ZNF395: variants seen among roughly 807,000 people sequenced by gnomAD.
ZNF395 encodes HD gene regulatory region-binding protein 2.
A neutral mutation model predicts 57.7 loss-of-function variants in ZNF395; 20 were observed. The ratio of observed to expected loss-of-function variants is 0.35; its 90% confidence interval spans 0.24 to 0.50. ZNF395 has a LOEUF of 0.50. ZNF395 is among the 20% of genes least tolerant of loss of function. ZNF395 has a pLI of 0.97. For synonymous variants in ZNF395, 295 were observed against 275.9 expected, an observed-to-expected ratio of 1.07 and a Z score of -0.69; for missense variants, 606 against 671.2, an observed-to-expected ratio of 0.90 and a Z score of 1.07.
At chr8:28,379,153 T>C (rs1226540559) in intron 1 of ZNF395, among the ~76,000 whole-genome samples, 1 of 152,216 alleles carries the variant, frequency 6.6e-6, no homozygotes, top group East Asian at 1.9e-4. Flanking sequence ...TTGAAGGTGC[T>C]ACTGTGTACC....
intron 1 of ZNF395, among the ~76,000 whole-genome samples, chr8:28,373,806 G>C (rs559670957): frequency 6.6e-6 from 1 of 152,154 alleles, no homozygotes; most frequent in Non-Finnish European, 1.5e-5. Flanking sequence ...CATCCACCTA[G>C]CACACTCTAA....
Position 28,348,631 on chromosome 8 carries a change from T to A in ZNF395, c.*88A>T. 8.2e-7 allele frequency: 1 copy of A among 1,216,116 alleles called. No individual in the cohort carries two copies. Among genetic ancestry groups the A allele is most frequent in the Admixed American group, 1.8e-5 (1 of 55,780 alleles). 75.3% of individuals were successfully genotyped at this position (1,216,116 alleles called of 1,614,324 possible). On this transcript the variant is annotated 3_prime_UTR_variant, in exon 10 of 10. Coordinates refer to ENST00000344423, the MANE Select transcript of ZNF395 (RefSeq NM_018660.3). ...ACTCCGTGTTTCCGTTCTTTCTCTT[T>A]CGGTTTCTGCTGAGGGCTGGTGACA...
chr8:28,349,239 G>A lies in ZNF395; in HGVS notation c.1327-11C>T, dbSNP rs774783084. 1.3e-6 allele frequency: 2 copies of A among 1,526,134 alleles called. No homozygotes were observed. Among genetic ancestry groups the A allele is most frequent in the East Asian group, 4.6e-5 (2 of 43,264 alleles). 94.5% of individuals were successfully genotyped at this position (1,526,134 alleles called of 1,614,324 possible). On this transcript the variant is annotated splice_polypyrimidine_tract_variant and intron_variant, in intron 8 of 9. Coordinates refer to ENST00000344423, the MANE Select transcript of ZNF395 (RefSeq NM_018660.3). ...CGACCGGCTCCGGACCTGGGCGTGG[G>A]GAGAGGGGCTGTGAGCACAGGGACA... is the stretch of plus-strand genomic sequence containing the variant.
chr8:28,373,000 C>G (rs903343763), intron 1 of ZNF395, among the ~76,000 whole-genome samples: 1 of 152,144 alleles, frequency 6.6e-6, no homozygotes, highest in Admixed American at 6.5e-5. Flanking sequence ...GGAGGCCCCA[C>G]TAACATCAGC....
At chr8:28,361,751 T>C (rs942829426) in intron 1 of ZNF395, among the ~76,000 whole-genome samples, 2 of 152,138 alleles carry the variant, frequency 1.3e-5, no homozygotes, top group Admixed American at 6.5e-5. Context: ...CTGATGCACA[T>C]AGATTCTCAA....
intron 1 of ZNF395, among the ~76,000 whole-genome samples, chr8:28,363,242 C>T (rs1029796101): frequency 2.3e-4 from 35 of 152,034 alleles, no homozygotes; most frequent in Non-Finnish European, 2.1e-4. Context: ...AGCAATTCTC[C>T]TACCTCAGCC....
At chr8:28,357,074 A>G (rs1026480260) in intron 3 of ZNF395, among the ~76,000 whole-genome samples, 4 of 152,204 alleles carry the variant, frequency 2.6e-5, no homozygotes, top group African/African-American at 9.7e-5. Flanking sequence ...GCCCTGAGAC[A>G]GCCCCATTCT....
chr8:28,351,905 C>G, intron 6 of ZNF395, 98 bp from the exon 7 acceptor site: 1 of 1,394,632 alleles, frequency 7.2e-7, no homozygotes, highest in Non-Finnish European at 9.6e-7. Context: ...TTGAGGCCAC[C>G]CAGCAAGCCA....
At chr8:28,363,964 C>A (rs567760037) in intron 1 of ZNF395, among the ~76,000 whole-genome samples, 1 of 152,108 alleles carries the variant, frequency 6.6e-6, no homozygotes, top group African/African-American at 2.4e-5. Context: ...GAATTCCACA[C>A]CAAAATACAT....
At chr8:28,374,450 C>T (rs1978676) in intron 1 of ZNF395, among the ~76,000 whole-genome samples, 16,795 of 152,062 alleles carry the variant, frequency 0.11, 2,999 homozygotes, top group African/African-American at 0.37. Context: ...TACTAACTTG[C>T]GCAATGAAAT....
At chr8:28,358,436 G>T (rs1392039738) in intron 3 of ZNF395, among the ~76,000 whole-genome samples, 24 of 151,980 alleles carry the variant, frequency 1.6e-4, no homozygotes, top group African/African-American at 5.8e-4. Context: ...GGTTTGGTTT[G>T]GTTTGGTTTT....
intron 4 of ZNF395, among the ~76,000 whole-genome samples, chr8:28,353,789 AG>A (rs1801747981): frequency 6.6e-6 from 1 of 151,922 alleles, no homozygotes; most frequent in South Asian, 2.1e-4. Context: ...CATTAAATAA[AG>A]GGGGGATGGG....
chr8:28,379,842 T>TA (rs748360582), intron 1 of ZNF395, among the ~76,000 whole-genome samples: 451 of 123,938 alleles, frequency 3.6e-3, no homozygotes, highest in East Asian at 6.5e-3. Context: ...ATACAAACGT[T>TA]AAAAAAAAAA....
chr8:28,367,994 C>T (rs938823242), intron 1 of ZNF395, among the ~76,000 whole-genome samples: 3 of 152,160 alleles, frequency 2.0e-5, no homozygotes, highest in South Asian at 4.1e-4. Context: ...GGTGAGGGGA[C>T]GCAGTTGTCC....
chr8:28,378,282 T>A (rs1802068028), intron 1 of ZNF395, among the ~76,000 whole-genome samples: 1 of 152,188 alleles, frequency 6.6e-6, no homozygotes, highest in Non-Finnish European at 1.5e-5. Context: ...TGGAGTGCAG[T>A]GTGCCACAAT....
intron 1 of ZNF395, among the ~76,000 whole-genome samples, chr8:28,378,887 C>G (rs1294297983): frequency 6.6e-6 from 1 of 152,194 alleles, no homozygotes; most frequent in African/African-American, 2.4e-5. Flanking sequence ...GACAGATCTG[C>G]CAGCTAGAAA....
intron 9 of ZNF395, 101 bp from the exon 10 acceptor site, chr8:28,348,931 C>A: frequency 7.5e-7 from 1 of 1,337,036 alleles, no homozygotes. Context: ...AAAGGGGCAG[C>A]TCCCGGCAAA....
chr8:28,349,212 A>G lies in ZNF395; in HGVS notation c.1343T>C (p.Leu448Pro). ...TGGCTGCTGGGGCTCGCTGAAGCTT[A>G]GCGACCGGCTCCGGACCTGGGCGTG... is the stretch of plus-strand genomic sequence containing the variant. ...CSLSPVRSRS[L>P]SFSEPQQPAP... Residue 448 changes from leucine to proline, a missense_variant, in exon 9 of 10, where the codon CTA becomes CCA. Leu to Pro is a moderately conservative substitution (Grantham distance 98). Coordinates refer to ENST00000344423, the MANE Select transcript of ZNF395 (RefSeq NM_018660.3). The G allele has an allele frequency of 6.4e-7, 1 of 1,552,638 alleles. No individual in the cohort carries two copies. Among genetic ancestry groups the G allele is most frequent in the South Asian group, 1.2e-5 (1 of 81,586 alleles).
intron 1 of ZNF395, among the ~76,000 whole-genome samples, chr8:28,362,934 T>A (rs1316230367): frequency 6.6e-6 from 1 of 152,066 alleles, no homozygotes; most frequent in East Asian, 1.9e-4. Flanking sequence ...AATAAAATAA[T>A]ATAAGGAAAA....
Sources: gnomAD v4.1 joint callset for allele counts (sites outside exome capture counted in the v4.1 genomes callset) on GRCh38, gnomAD v4.1.1 for gene constraint, MANE v1.5 for transcripts, NCBI Gene and HGNC (gene_info 2026-07-23, HGNC 2026-07-21) for gene names.